Variants in ARRDC4 observed in about 807,000 individuals in gnomAD.
The protein encoded by ARRDC4 is arrestin domain containing 4.
A neutral mutation model predicts 44.6 loss-of-function variants in ARRDC4; 40 were observed. That is an observed-to-expected ratio of 0.90 (90% CI 0.70 to 1.17). The LOEUF (loss-of-function observed/expected upper bound fraction) is 1.17, where lower values mean the gene tolerates loss of function less well. ARRDC4 is among the 50% of genes most tolerant of loss of function. ARRDC4 has a pLI of 0.00. For missense variants in ARRDC4, 550 were observed against 559.1 expected, an observed-to-expected ratio of 0.98 and a Z score of 0.16; for synonymous variants, 211 against 221.2, an observed-to-expected ratio of 0.95 and a Z score of 0.41.
In ARRDC4 at chr15:97,969,295, A is replaced by G. The variant is rs149998324; in HGVS notation, c.798A>G (p.Thr266=). The change falls in exon 5 of 8, where the codon ACA becomes ACG. Residue 266 remains threonine (T), a synonymous_variant. Coordinates refer to ENST00000268042, the MANE Select transcript of ARRDC4 (RefSeq NM_183376.3). ...GNHIASGSTD[T]WNGKTLKIPP... is the part of the protein sequence containing the mutation. ...ACATCGCTTCTGGGAGCACAGACAC[A>G]TGGAATGGGAAAACGCTAAAAATCC... 1.3e-5 allele frequency: 21 copies of G among 1,613,808 alleles called. No homozygotes were observed. Among genetic ancestry groups the G allele is most frequent in the Middle Eastern group, 1.6e-4 (1 of 6,084 alleles).
intron 1 of ARRDC4, among the ~76,000 whole-genome samples, chr15:97,963,408 TTA>T (rs1180852854): frequency 1.3e-5 from 2 of 152,196 alleles, no homozygotes; most frequent in Non-Finnish European, 2.9e-5. Flanking sequence ...TTTTTCCTGT[TTA>T]TGTTTTGAGA....
rs1441623478 is a variant in ARRDC4, at chr15:97,973,609, A to G, written c.*2422A>G. 1 of 152,616 alleles carries G rather than the reference A, an allele frequency of 6.6e-6. No homozygotes were observed. The highest frequency in any genetic ancestry group is 1.5e-5 in the Non-Finnish European group (1 of 68,032). 9.5% of individuals were successfully genotyped at this position (152,616 alleles called of 1,614,324 possible). A position where few individuals can be genotyped will look rare whatever the true frequency, so the allele number is the denominator to read the frequency against. On this transcript the variant is annotated 3_prime_UTR_variant, in exon 8 of 8. Coordinates refer to ENST00000268042, the MANE Select transcript of ARRDC4 (RefSeq NM_183376.3). Reference sequence around the variant, plus strand: ...TGATGCAGAAATTTTGAAATTGAAAATGTGCATGTTTTGGTGCACAAAATC... The same window carrying G: ...TGATGCAGAAATTTTGAAATTGAAAGTGTGCATGTTTTGGTGCACAAAATC...
intron 1 of ARRDC4, 32 bp downstream of exon 1, chr15:97,961,200 G>A: frequency 7.3e-7 from 1 of 1,371,628 alleles, no homozygotes. Context: ...GGGTTCCCCC[G>A]CCAGGCTGCG....
Position 97,971,515 on chromosome 15 carries a change from A to G in ARRDC4, c.*328A>G, listed in dbSNP as rs1264636743. 2 of 316,064 alleles carry G rather than the reference A, an allele frequency of 6.3e-6. No homozygotes were observed. Among genetic ancestry groups the G allele is most frequent in the Non-Finnish European group, 1.2e-5 (2 of 165,866 alleles). 19.6% of individuals were successfully genotyped at this position (316,064 alleles called of 1,614,324 possible). On this transcript the variant is annotated 3_prime_UTR_variant, in exon 8 of 8. Coordinates refer to ENST00000268042, the MANE Select transcript of ARRDC4 (RefSeq NM_183376.3). ...AGAGAAAGGAATCTGTAAACAGTGGAAACACTGTGGGAGTTTCCCATGGTG... is the reference window on the plus strand; with the variant it reads ...AGAGAAAGGAATCTGTAAACAGTGGGAACACTGTGGGAGTTTCCCATGGTG...
rs758786387 is a variant in ARRDC4, at chr15:97,969,344, G to C, written c.847G>C (p.Asp283His). The C allele has an allele frequency of 1.8e-5, 29 of 1,613,700 alleles. No individual in the cohort carries two copies. Among genetic ancestry groups the C allele is most frequent in the Non-Finnish European group, 2.1e-5 (25 of 1,179,820 alleles). The change falls in exon 5 of 8, where the codon GAT becomes CAT. Residue 283 changes from aspartate to histidine, a missense_variant. By Grantham distance (81) the Asp-to-His change is moderately conservative. Coordinates refer to ENST00000268042, the MANE Select transcript of ARRDC4 (RefSeq NM_183376.3). ...KIPPVTPSIL[D>H]CCIIRVDYSL... ...CCCACCTGTTACTCCATCCATCCTG[G>C]ATTGCTGCATTATCAGAGTGGACTA...
rs1336342320 is a variant in ARRDC4, at chr15:97,965,774, A to G, written c.374+108A>G. ...TCTCAAGTATGCATGTTTACACTGA[A>G]TAGTCCCTAAATAGACTTACTCTTT... On this transcript the variant is annotated intron_variant, in intron 2 of 7. Transcript: ENST00000268042. This position sits in a 1 kb window ranked among gnomAD's most constrained non-coding sequence, Gnocchi z 5.1. 1.3e-5 allele frequency: 19 copies of G among 1,486,960 alleles called. No homozygotes were observed. In the African/African-American group the frequency reaches 1.5e-4, roughly 12 times the overall value. 92.1% of individuals were successfully genotyped at this position (1,486,960 alleles called of 1,614,324 possible).
rs1284536867 is a variant in ARRDC4 at position 97,969,330 on chromosome 15, C to G, written c.833C>G (p.Thr278Ser). The part of the protein sequence containing the change: ...NGKTLKIPPV[T>S]PSILDCCIIR... ...AAAACGCTAAAAATCCCACCTGTTA[C>G]TCCATCCATCCTGGATTGCTGCATT... The change falls in exon 5 of 8, where the codon ACT (threonine) becomes AGT (serine). Residue 278 changes from threonine to serine, a missense_variant. Coordinates refer to ENST00000268042, the MANE Select transcript of ARRDC4 (RefSeq NM_183376.3). 1 of 1,613,894 alleles carries G rather than the reference C, an allele frequency of 6.2e-7. No homozygotes were observed. Among genetic ancestry groups the G allele is most frequent in the Admixed American group, 1.7e-5 (1 of 59,956 alleles).
In ARRDC4 at chr15:97,970,973, T is replaced by C. The variant is rs569533756; in HGVS notation, c.1201-158T>C. Among the ~76,000 whole-genome samples the C allele has an allele frequency of 6.6e-6, 1 of 152,258 alleles. No homozygotes were observed. Among genetic ancestry groups the C allele is most frequent in the African/African-American group, 2.4e-5 (1 of 41,556 alleles). On this transcript the variant is annotated intron_variant, in intron 7 of 7. Coordinates refer to ENST00000268042, the MANE Select transcript of ARRDC4 (RefSeq NM_183376.3). The surrounding 1 kb of genome is among the most constrained non-coding windows in gnomAD (Gnocchi z 4.2). ...AGTATTGTGGATTGCCTTTAAGGTG[T>C]GTTATTTGGCCATGGAATATAGAGA...
rs894807694 is a variant in ARRDC4, at chr15:97,971,291, A to G, written c.*104A>G. ...AGGAAAGATTCACTTGAAAACATAAATGAACGTCAAGACTGAAGGCAATAG... is the reference window on the plus strand; with the variant it reads ...AGGAAAGATTCACTTGAAAACATAAGTGAACGTCAAGACTGAAGGCAATAG... On this transcript the variant is annotated 3_prime_UTR_variant, in exon 8 of 8. Transcript: ENST00000268042. The G allele has an allele frequency of 4.2e-6, 5 of 1,182,504 alleles. No individual in the cohort carries two copies. In the Admixed American group the frequency reaches 5.6e-5, roughly 13 times the overall value. The allele number at this position is 1,182,504 out of a possible 1,614,324, so 73.3% of individuals were successfully genotyped here.
rs571815633 is a variant in ARRDC4 at position 97,966,819 on chromosome 15, A to C, written c.522+777A>C. 5.3e-5 allele frequency among the ~76,000 whole-genome samples: 8 copies of C among 152,294 alleles called. No individual in the cohort carries two copies. The South Asian group carries it at 1.7e-3, about 32-fold the overall frequency. On this transcript the variant is annotated intron_variant, in intron 3 of 7. Coordinates refer to ENST00000268042, the MANE Select transcript of ARRDC4 (RefSeq NM_183376.3). This position sits in a 1 kb window ranked among gnomAD's most constrained non-coding sequence, Gnocchi z 4.7. Reference sequence around the variant, plus strand: ...TAAATATGAATGAATGATTTTTTTTACTTCATAGAAAATACTGAGATAATT... The same window carrying C: ...TAAATATGAATGAATGATTTTTTTTCCTTCATAGAAAATACTGAGATAATT...
In ARRDC4 at chr15:97,960,978, C is replaced by A. The variant is rs190697600; in HGVS notation, c.117C>A (p.Ala39=). 8.6e-4 allele frequency: 1,255 copies of A among 1,461,370 alleles called. 1 individual carries two copies. The highest frequency in any genetic ancestry group is 8.9e-4 in the Non-Finnish European group (986 of 1,105,598). 90.5% of individuals were successfully genotyped at this position (1,461,370 alleles called of 1,614,324 possible). A position where few individuals can be genotyped will look rare whatever the true frequency, so the allele number is the denominator to read the frequency against. The change falls in exon 1 of 8, where the codon GCC becomes GCA. Residue 39 remains alanine, a synonymous_variant. Transcript: ENST00000268042. The stretch of plus-strand genomic sequence containing the variant: ...GCTATTCCAGCGGCGAGACAGTGGC[C>A]GGGCACGTGCTGCTGGAGGCGTCCG... ...KGCYSSGETV[A]GHVLLEASEP... is the part of the protein sequence containing the mutation.
At position 97,966,145 on chromosome 15, in the gene ARRDC4, G is replaced by A. The variant is rs535589673; in HGVS notation, c.522+103G>A. The A allele has an allele frequency of 3.4e-5, 44 of 1,307,334 alleles. No individual in the cohort carries two copies. The highest frequency in any genetic ancestry group is 1.9e-4 in the Middle Eastern group (1 of 5,394). 81.0% of individuals were successfully genotyped at this position (1,307,334 alleles called of 1,614,324 possible). On this transcript the variant is annotated intron_variant, in intron 3 of 7. Transcript: ENST00000268042. The surrounding 1 kb of genome is among the most constrained non-coding windows in gnomAD (Gnocchi z 4.7). ...TATTTAGCCAGTTTACTGGTAGTCTGTCCTGTCACTTTCTGATGGCTTGGA... is the reference window on the plus strand; with the variant it reads ...TATTTAGCCAGTTTACTGGTAGTCTATCCTGTCACTTTCTGATGGCTTGGA...
In ARRDC4 at chr15:97,965,562, A is replaced by T; in HGVS notation, c.308-38A>T. The T allele has an allele frequency of 6.6e-7, 1 of 1,507,568 alleles. No individual in the cohort carries two copies. The highest frequency in any genetic ancestry group is 2.3e-5 in the East Asian group (1 of 44,316). 93.4% of individuals were successfully genotyped at this position (1,507,568 alleles called of 1,614,324 possible). A position where few individuals can be genotyped will look rare whatever the true frequency, so the allele number is the denominator to read the frequency against. On this transcript the variant is annotated intron_variant, in intron 1 of 7. Coordinates refer to ENST00000268042, the MANE Select transcript of ARRDC4 (RefSeq NM_183376.3). This position sits in a 1 kb window ranked among gnomAD's most constrained non-coding sequence, Gnocchi z 5.1. ...TTGTGAAAACTCTTGATCTAATACT[A>T]ACTATCCTTCATTAAAATAAAATAC... is the stretch of plus-strand genomic sequence containing the variant.
chr15:97,970,848 G>T lies in ARRDC4; in HGVS notation c.1200+105G>T. On this transcript the variant is annotated intron_variant, in intron 7 of 7. Coordinates refer to ENST00000268042, the MANE Select transcript of ARRDC4 (RefSeq NM_183376.3). The surrounding 1 kb of genome is among the most constrained non-coding windows in gnomAD (Gnocchi z 4.2). Reference sequence around the variant, plus strand: ...TCTGTTGCTGACTCATAATTAGTAAGGGATACATTTAAATTTGTTTATACA... The same window carrying T: ...TCTGTTGCTGACTCATAATTAGTAATGGATACATTTAAATTTGTTTATACA... 1 of 1,322,882 alleles carries T rather than the reference G, an allele frequency of 7.6e-7. No individual in the cohort carries two copies. Among genetic ancestry groups the T allele is most frequent in the South Asian group, 1.4e-5 (1 of 70,794 alleles). The allele number at this position is 1,322,882 out of a possible 1,614,324, so 81.9% of individuals were successfully genotyped here. A position where few individuals can be genotyped will look rare whatever the true frequency, so the allele number is the denominator to read the frequency against.
At position 97,969,856 on chromosome 15, in the gene ARRDC4, C is replaced by CTCTTTT. The variant is rs754993418; in HGVS notation, c.883-26_883-25insCTTTTT. 1,465 of 1,351,752 alleles carry CTCTTTT rather than the reference C, an allele frequency of 1.1e-3. 5 individuals carry two copies. Among genetic ancestry groups the CTCTTTT allele is most frequent in the African/African-American group, 6.6e-3 (418 of 63,278 alleles). 83.7% of individuals were successfully genotyped at this position (1,351,752 alleles called of 1,614,324 possible). ...GTGTAGCTTACATTTGTTCCTTTCT[C>CTCTTTT]TTTTTTTTTTTTTTTTGGCTTATTA... On this transcript the variant is annotated intron_variant, in intron 5 of 7. Transcript: ENST00000268042.
chr15:97,962,789 T>A (rs532488934), intron 1 of ARRDC4, among the ~76,000 whole-genome samples: 25 of 152,184 alleles, frequency 1.6e-4, no homozygotes, highest in Non-Finnish European at 1.3e-4. Context: ...CCCTAATATC[T>A]ATAGCTTGGA....
At position 97,971,439 on chromosome 15, in the gene ARRDC4, T is replaced by C. The variant is rs1268803302; in HGVS notation, c.*252T>C. On this transcript the variant is annotated 3_prime_UTR_variant, in exon 8 of 8. Coordinates refer to ENST00000268042, the MANE Select transcript of ARRDC4 (RefSeq NM_183376.3). ...AGATGTGCAAAGTCACAGAATGTAA[T>C]GGAAGTCCTGATGGTTACAGAGTAA... is the stretch of plus-strand genomic sequence containing the variant. The C allele has an allele frequency of 2.1e-6, 1 of 474,916 alleles. No homozygotes were observed. 29.4% of individuals were successfully genotyped at this position (474,916 alleles called of 1,614,324 possible).
Position 97,968,863 on chromosome 15 carries a change from G to T in ARRDC4, c.626-260G>T, listed in dbSNP as rs1899461616. ...CTTATCCTAATTTATATAGACACTG[G>T]TCATTTACATATCTTTAGAATTGCT... On this transcript the variant is annotated intron_variant, in intron 4 of 7. Coordinates refer to ENST00000268042, the MANE Select transcript of ARRDC4 (RefSeq NM_183376.3). This position sits in a 1 kb window ranked among gnomAD's most constrained non-coding sequence, Gnocchi z 5.4. 6.6e-6 allele frequency among the ~76,000 whole-genome samples: 1 copy of T among 152,088 alleles called. No homozygotes were observed. The highest frequency in any genetic ancestry group is 1.5e-5 in the Non-Finnish European group (1 of 68,026).
Position 97,966,328 on chromosome 15 carries a change from TTAA to T in ARRDC4, c.522+290_522+292del, listed in dbSNP as rs1899419457. Among the ~76,000 whole-genome samples the T allele has an allele frequency of 6.6e-6, 1 of 152,240 alleles. No homozygotes were observed. The highest frequency in any genetic ancestry group is 1.5e-5 in the Non-Finnish European group (1 of 68,038). On this transcript the variant is annotated intron_variant, in intron 3 of 7. Transcript: ENST00000268042. The surrounding 1 kb of genome is among the most constrained non-coding windows in gnomAD (Gnocchi z 4.7). Reference sequence around the variant, plus strand: ...CAGGCTTGAAATGCATTAATAAGGCTTAATAACAATAATGCACACACAGAGAGT... The same window carrying T: ...CAGGCTTGAAATGCATTAATAAGGCTTAACAATAATGCACACACAGAGAGT...
Sources: gnomAD v4.1 joint callset for allele counts (sites outside exome capture counted in the v4.1 genomes callset) on GRCh38, gnomAD v4.1.1 for gene constraint, Gnocchi (gnomAD v3.1) non-coding constraint, MANE v1.5 for transcripts, NCBI Gene and HGNC (gene_info 2026-07-23, HGNC 2026-07-21) for gene names.